SHQ1: variants seen among roughly 807,000 people sequenced by gnomAD.
SHQ1 encodes SHQ1, H/ACA ribonucleoprotein assembly factor.
A neutral mutation model predicts 53.8 loss-of-function variants in SHQ1; 49 were observed. The ratio of observed to expected loss-of-function variants is 0.91; its 90% CI spans 0.72 to 1.16. The LOEUF (loss-of-function observed/expected upper bound fraction) is 1.16. Among genes scored for constraint, SHQ1 ranks in the 50% most tolerant of loss-of-function variants. The pLI is 0.00. For synonymous variants in SHQ1, 243 were observed against 251.0 expected (o/e 0.97, Z 0.30); for missense variants, 738 against 683.1 (o/e 1.08, Z -0.90).
chr3:72,750,502 C>T lies in SHQ1; in HGVS notation c.1516G>A (p.Asp506Asn), dbSNP rs187307658. ...LEESSAFLIV[D>N]GGVRRNTAIQ... ...GCTGTGTTTCTGCGTACTCCACCAT[C>T]AACAATAAGAAAGGCACTGCTTTCT... The change falls in exon 11 of 11, where the codon GAT becomes AAT. Residue 506 changes from aspartate (D) to asparagine (N), a missense_variant. By Grantham distance (23) the Asp-to-Asn change is conservative. Coordinates refer to ENST00000325599, the MANE Select transcript of SHQ1 (RefSeq NM_018130.3). 5 of 1,614,188 alleles carry T rather than the reference C, an allele frequency of 3.1e-6. No homozygotes were observed. In the Admixed American group the frequency reaches 6.7e-5, roughly 22 times the overall value.
At chr3:72,810,336 C>A (rs1250831469) in intron 9 of SHQ1, among the ~76,000 whole-genome samples, 28 of 152,148 alleles carry the variant, frequency 1.8e-4, no homozygotes, top group Admixed American at 1.8e-3. Flanking sequence ...AAATGCAAAC[C>A]TGAAAAGAGC....
At chr3:72,823,374 C>T (rs1007777529) in intron 6 of SHQ1, among the ~76,000 whole-genome samples, 5 of 152,024 alleles carry the variant, frequency 3.3e-5, no homozygotes, top group African/African-American at 1.2e-4. Flanking sequence ...TAGCAGATAA[C>T]AGGCTATTGC....
chr3:72,729,282 T>A, the SHQ1 span, among the ~76,000 whole-genome samples: 1 of 152,018 alleles, frequency 6.6e-6, no homozygotes, highest in East Asian at 1.9e-4. Flanking sequence ...TCAACGTGAG[T>A]CACAGGCCTC....
chr3:72,845,838 T>C (rs535926419), intron 1 of SHQ1, among the ~76,000 whole-genome samples: 3 of 152,286 alleles, frequency 2.0e-5, no homozygotes, highest in African/African-American at 7.2e-5. Context: ...CTTCAATACA[T>C]TTTCAGAATG....
intron 8 of SHQ1, 32 bp downstream of exon 8, chr3:72,815,317 CA>C: frequency 1.3e-6 from 2 of 1,594,578 alleles, no homozygotes; most frequent in Non-Finnish European, 1.7e-6. Flanking sequence ...TCCTGAACAA[CA>C]AATTCTAAAC....
intron 9 of SHQ1, among the ~76,000 whole-genome samples, chr3:72,797,039 C>T (rs976917617): frequency 6.6e-6 from 1 of 151,708 alleles, no homozygotes; most frequent in East Asian, 1.9e-4. Flanking sequence ...GGGCAGATCA[C>T]CTGAAGTCAG....
chr3:72,730,386 T>G, the SHQ1 span, among the ~76,000 whole-genome samples: 1 of 152,234 alleles, frequency 6.6e-6, no homozygotes, highest in East Asian at 1.9e-4. Flanking sequence ...AGTGCTGAGA[T>G]TACAGGCATA....
At chr3:72,827,079 C>T (rs1707682609) in intron 5 of SHQ1, among the ~76,000 whole-genome samples, 1 of 152,070 alleles carries the variant, frequency 6.6e-6, no homozygotes, top group Non-Finnish European at 1.5e-5. Context: ...ATGACAGAAC[C>T]CTCAGGTTGT....
the SHQ1 span, among the ~76,000 whole-genome samples, chr3:72,740,702 G>A: frequency 2.0e-5 from 3 of 152,154 alleles, no homozygotes; most frequent in Non-Finnish European, 4.4e-5. Flanking sequence ...ATCCATGACT[G>A]CTTTTGGGAC....
chr3:72,732,839 C>T, the SHQ1 span, among the ~76,000 whole-genome samples: 8 of 151,490 alleles, frequency 5.3e-5, no homozygotes, highest in South Asian at 6.2e-4. Flanking sequence ...CAGAGGCCAG[C>T]GGAAGAACCG....
chr3:72,842,776 A>G (rs1490580852), intron 2 of SHQ1, among the ~76,000 whole-genome samples: 1 of 152,196 alleles, frequency 6.6e-6, no homozygotes, highest in East Asian at 1.9e-4. Flanking sequence ...TGTCATTTCT[A>G]TCAAAAATTA....
At chr3:72,793,673 T>C (rs530002263) in intron 9 of SHQ1, 2 of 152,306 alleles carry the variant, frequency 1.3e-5, no homozygotes, top group African/African-American at 4.8e-5. Context: ...ATAATTTTTA[T>C]TAGATAATGT....
At position 72,765,534 on chromosome 3, in the gene SHQ1, TA is replaced by T. The variant is rs1705703059; in HGVS notation, c.1182-14699del. On this transcript the variant is annotated intron_variant, in intron 10 of 10. Transcript: ENST00000325599. ...CTGCCTCCCAGATTCACATGACATA[TA>T]TATATATATATATATATATATATTT... 5.3e-5 allele frequency among the ~76,000 whole-genome samples: 4 copies of T among 75,206 alleles called. No individual in the cohort carries two copies. In the Admixed American group the frequency reaches 5.6e-4, roughly 11 times the overall value. The allele number at this position is 75,206 out of a possible 152,430, so 49.3% of individuals were successfully genotyped here.
chr3:72,825,361 TACACACACACACACAC>T (rs61048915), intron 5 of SHQ1, among the ~76,000 whole-genome samples: 4 of 141,968 alleles, frequency 2.8e-5, no homozygotes, highest in Non-Finnish European at 4.7e-5. Flanking sequence ...TAAAAGGGGC[TACACACACACACACAC>T]ACACACACAC....
intron 10 of SHQ1, among the ~76,000 whole-genome samples, chr3:72,787,887 A>G (rs947023031): frequency 2.6e-5 from 4 of 152,122 alleles, no homozygotes; most frequent in African/African-American, 7.2e-5. Context: ...ACTGGTTTTC[A>G]TATTTTTTGG....
the SHQ1 span, among the ~76,000 whole-genome samples, chr3:72,730,042 T>C: frequency 1.3e-5 from 2 of 151,978 alleles, no homozygotes; most frequent in East Asian, 1.9e-4. Context: ...ATGGTCTCGA[T>C]CTCCTGACCT....
chr3:72,785,582 C>A (rs965872665), intron 10 of SHQ1, among the ~76,000 whole-genome samples: 3 of 152,178 alleles, frequency 2.0e-5, no homozygotes, highest in South Asian at 2.1e-4. Flanking sequence ...TAACAGTAGA[C>A]CCTCTTGTTC....
chr3:72,730,309 A>G, the SHQ1 span, among the ~76,000 whole-genome samples: 1 of 152,008 alleles, frequency 6.6e-6, no homozygotes, highest in Non-Finnish European at 1.5e-5. Context: ...GAGATGGGGT[A>G]TCACTATGTT....
intron 5 of SHQ1, among the ~76,000 whole-genome samples, chr3:72,827,643 TAA>T (rs1707699235): frequency 6.6e-6 from 1 of 152,098 alleles, no homozygotes. Context: ...GTCCATGAAT[TAA>T]GAGTTTCATG....
Sources: gnomAD v4.1 joint callset for allele counts (sites outside exome capture counted in the v4.1 genomes callset) on GRCh38, gnomAD v4.1.1 for gene constraint, MANE v1.5 for transcripts, NCBI Gene and HGNC (gene_info 2026-07-23, HGNC 2026-07-21) for gene names.